FMN1: variants seen among roughly 807,000 people sequenced by gnomAD.
The protein encoded by FMN1 is formin-1.
Under a neutral mutation model 132.4 loss-of-function variants are expected in FMN1, and 110 were observed. The observed-to-expected ratio is 0.83, with a 90% CI of 0.71 to 0.97. The LOEUF (loss-of-function observed/expected upper bound fraction) is 0.97. FMN1 is among the 50% of genes least tolerant of loss of function. The pLI is 0.00. For missense variants in FMN1, 1,792 were observed against 1,705.3 expected, an observed-to-expected ratio of 1.05 and a Z score of -0.90; for synonymous variants, 722 against 651.7, an observed-to-expected ratio of 1.11 and a Z score of -1.64.
At chr15:33,127,926 A>ATC in intron 4 of FMN1, among the ~76,000 whole-genome samples, 1 of 132,780 alleles carries the variant, frequency 7.5e-6, no homozygotes, top group East Asian at 3.4e-4. Context: ...AGATGGAAAT[A>ATC]GAAGAAGAGG....
intron 13 of FMN1, chr15:32,900,327 C>T (rs946632509): frequency 2.8e-6 from 2 of 702,002 alleles, no homozygotes; most frequent in Non-Finnish European, 2.6e-6. Flanking sequence ...TTTCTACCCA[C>T]TCAAATTAAT....
At chr15:33,103,390 G>A (rs560109303) in intron 4 of FMN1, among the ~76,000 whole-genome samples, 2 of 152,196 alleles carry the variant, frequency 1.3e-5, no homozygotes, top group Admixed American at 6.5e-5. Context: ...AGATTAAAGA[G>A]TTAATATTAT....
chr15:33,180,030 A>G (rs1432218027), intron 3 of FMN1, among the ~76,000 whole-genome samples, 168 bp downstream of exon 3: 2 of 152,228 alleles, frequency 1.3e-5, no homozygotes, highest in Non-Finnish European at 2.9e-5. Flanking sequence ...GCTCTGTAGT[A>G]CAGCATGGGC....
chr15:33,049,273 A>G (rs964731280), intron 6 of FMN1, among the ~76,000 whole-genome samples: 2 of 152,178 alleles, frequency 1.3e-5, no homozygotes, highest in African/African-American at 4.8e-5. Flanking sequence ...CTCATGCATT[A>G]GGCCCCAACA....
chr15:32,840,781 C>T (rs1275024526), intron 17 of FMN1, among the ~76,000 whole-genome samples: 2 of 152,110 alleles, frequency 1.3e-5, no homozygotes, highest in African/African-American at 4.8e-5. Context: ...CCCATTTGTA[C>T]AGAACATTGA....
At chr15:33,013,517 A>G (rs1393504041) in intron 6 of FMN1, among the ~76,000 whole-genome samples, 5 of 152,228 alleles carry the variant, frequency 3.3e-5, no homozygotes, top group Admixed American at 3.3e-4. Flanking sequence ...AGGAGATGTT[A>G]TATGGGTGTT....
intron 6 of FMN1, chr15:33,012,531 C>T (rs558814761): frequency 2.0e-6 from 3 of 1,519,108 alleles, no homozygotes; most frequent in African/African-American, 1.4e-5. Flanking sequence ...TCATGACTGA[C>T]CGAGGCAGTG....
At chr15:32,886,380 G>A (rs1418664414) in intron 16 of FMN1, among the ~76,000 whole-genome samples, 1 of 152,162 alleles carries the variant, frequency 6.6e-6, no homozygotes, top group South Asian at 2.1e-4. Context: ...CGCTCTACCT[G>A]CTTCAAAAGC....
chr15:32,848,106 G>A (rs1220847459), intron 17 of FMN1, among the ~76,000 whole-genome samples: 1 of 152,024 alleles, frequency 6.6e-6, no homozygotes, highest in Non-Finnish European at 1.5e-5. Context: ...TAAAGAACAG[G>A]ATTATGGCAA....
At chr15:32,871,000 G>A (rs566569130) in intron 16 of FMN1, among the ~76,000 whole-genome samples, 10 of 152,278 alleles carry the variant, frequency 6.6e-5, no homozygotes, top group African/African-American at 2.2e-4. Context: ...AGGTAGGAAA[G>A]TTGTGTTAAC....
chr15:32,804,108 G>A (rs1016989807), intron 18 of FMN1, among the ~76,000 whole-genome samples, 173 bp downstream of exon 18: 1 of 152,048 alleles, frequency 6.6e-6, no homozygotes, highest in African/African-American at 2.4e-5. Context: ...GGTTGCCTAG[G>A]GACAGGGGAG....
rs555334340 is a variant in FMN1, at chr15:33,190,565, A to G, written c.-197+3344T>C. Among the ~76,000 whole-genome samples, 117 of 152,222 alleles carry G rather than the reference A, an allele frequency of 7.7e-4. 1 individual carries two copies. The Middle Eastern group carries it at 0.017, about 22-fold the overall frequency. On this transcript the variant is annotated intron_variant, in intron 2 of 20. Coordinates refer to ENST00000616417, the MANE Select transcript of FMN1 (RefSeq NM_001277313.2). Reference sequence around the variant, plus strand: ...ATGTGGATAGATACTCACGTGGGGGAAAAATGGAAAAACAGGGCAACTATG... The same window carrying G: ...ATGTGGATAGATACTCACGTGGGGGGAAAATGGAAAAACAGGGCAACTATG...
chr15:32,923,981 A>G (rs1314168942), intron 10 of FMN1, among the ~76,000 whole-genome samples: 1 of 152,232 alleles, frequency 6.6e-6, no homozygotes, highest in African/African-American at 2.4e-5. Context: ...TGATACCTGA[A>G]GAATCCCTAA....
At chr15:32,838,382 T>G (rs922532268) in intron 17 of FMN1, among the ~76,000 whole-genome samples, 8 of 152,196 alleles carry the variant, frequency 5.3e-5, no homozygotes, top group Non-Finnish European at 8.8e-5. Context: ...GAGCAACTGG[T>G]GCCCGATTTC....
At chr15:32,879,242 TTTA>T (rs1461155577) in intron 16 of FMN1, among the ~76,000 whole-genome samples, 1 of 152,234 alleles carries the variant, frequency 6.6e-6, no homozygotes, top group African/African-American at 2.4e-5. Flanking sequence ...CAAAGTTTTT[TTTA>T]TTATTTCTAA....
At chr15:33,051,561 G>C (rs1054040785) in intron 6 of FMN1, among the ~76,000 whole-genome samples, 1 of 152,170 alleles carries the variant, frequency 6.6e-6, no homozygotes, top group African/African-American at 2.4e-5. Flanking sequence ...ATAAACACCT[G>C]AAACTGGTGA....
chr15:32,956,379 A>AT (rs2061769590), intron 9 of FMN1, among the ~76,000 whole-genome samples: 1 of 150,656 alleles, frequency 6.6e-6, no homozygotes, highest in African/African-American at 2.5e-5. Flanking sequence ...TTTTAAAAAA[A>AT]TAAGCAAATA....
intron 17 of FMN1, among the ~76,000 whole-genome samples, chr15:32,841,939 C>T (rs1247932975): frequency 2.6e-5 from 4 of 152,180 alleles, no homozygotes; most frequent in African/African-American, 4.8e-5. Context: ...GTCCAGATAT[C>T]GAGAGACACA....
In FMN1 at chr15:33,067,237, T is replaced by C. The variant is rs768005692; in HGVS notation, c.2044-2163A>G. ...GAAGACCACCGTTGCCAGCTTCCAGTTTGCTGCTCATCTCAGGTGGAATCC... is the reference window on the plus strand; with the variant it reads ...GAAGACCACCGTTGCCAGCTTCCAGCTTGCTGCTCATCTCAGGTGGAATCC... On this transcript the variant is annotated intron_variant, in intron 5 of 20. Coordinates refer to ENST00000616417, the MANE Select transcript of FMN1 (RefSeq NM_001277313.2). 1.0e-4 allele frequency: 161 copies of C among 1,613,322 alleles called. 1 individual carries two copies. Among genetic ancestry groups the C allele is most frequent in the Non-Finnish European group, 1.3e-4 (152 of 1,179,894 alleles).
Sources: allele counts gnomAD v4.1 joint callset (sites outside exome capture counted in the v4.1 genomes callset), GRCh38; gene constraint gnomAD v4.1.1; transcripts MANE v1.5; gene names NCBI Gene and HGNC (gene_info 2026-07-23, HGNC 2026-07-21).